The following PKP4 variants were observed in gnomAD, a reference collection of about 807,000 sequenced individuals.
PKP4 encodes plakophilin-4.
A neutral mutation model predicts 145.1 loss-of-function variants in PKP4; 90 were observed. The observed-to-expected ratio is 0.62, with a 90% confidence interval of 0.52 to 0.74. PKP4 has a LOEUF of 0.74. PKP4 is among the 30% of genes least tolerant of loss of function. PKP4 has a pLI of 0.00. For synonymous variants in PKP4, 563 were observed against 577.2 expected (o/e 0.98, Z 0.35); for missense variants, 1,340 against 1,482.7 (o/e 0.90, Z 1.58).
At chr2:158,607,964 T>C (rs999692792) in intron 4 of PKP4, among the ~76,000 whole-genome samples, 1 of 151,992 alleles carries the variant, frequency 6.6e-6, no homozygotes, top group Non-Finnish European at 1.5e-5. Context: ...TACAAAAAAA[T>C]AGAAAAAAAC....
At chr2:158,468,628 A>C (rs1691032331) in intron 1 of PKP4, among the ~76,000 whole-genome samples, 1 of 152,152 alleles carries the variant, frequency 6.6e-6, no homozygotes, top group African/African-American at 2.4e-5. Context: ...TGAGGATGTA[A>C]GATGAAGACA....
intron 2 of PKP4, among the ~76,000 whole-genome samples, chr2:158,574,960 C>A (rs1188229011): frequency 6.6e-6 from 1 of 152,098 alleles, no homozygotes; most frequent in South Asian, 2.1e-4. Context: ...TCTGTGGGTA[C>A]GTCAATCAAA....
intron 20 of PKP4, among the ~76,000 whole-genome samples, chr2:158,678,007 T>G (rs150808659): frequency 3.5e-4 from 53 of 152,302 alleles, no homozygotes; most frequent in African/African-American, 1.2e-3. Context: ...TATGGACTTT[T>G]GAAGACAATT....
rs188162763 is a variant in PKP4 at position 158,536,342 on chromosome 2, G to A, written c.132+3026G>A. On this transcript the variant is annotated intron_variant, in intron 2 of 21. Transcript: ENST00000389759. The stretch of plus-strand genomic sequence containing the variant: ...AGTTTTATGAACATGCTAATTTATT[G>A]CAACCCCAAACATAATGTCAAGGCA... 2.6e-3 allele frequency among the ~76,000 whole-genome samples: 400 copies of A among 152,218 alleles called. 2 individuals are homozygous for A. The highest frequency in any genetic ancestry group is 4.6e-3 in the Non-Finnish European group (314 of 68,010).
In PKP4 at chr2:158,614,361, T is replaced by C. The variant is rs547303358; in HGVS notation, c.281-6629T>C. Among the ~76,000 whole-genome samples the C allele has an allele frequency of 1.1e-4, 16 of 152,280 alleles. No homozygotes were observed. The South Asian group carries it at 3.1e-3, about 30-fold the overall frequency. On this transcript the variant is annotated intron_variant, in intron 4 of 21. Transcript: ENST00000389759. ...GCAAAAATGGTGTGCTGGAGTGACA[T>C]GGTAAAGCCAGCAAAATTTTGACCA...
intron 1 of PKP4, among the ~76,000 whole-genome samples, chr2:158,504,026 G>A (rs186105817): frequency 5.3e-5 from 7 of 132,520 alleles, no homozygotes; most frequent in South Asian, 2.5e-4. Context: ...CATAGAAAAC[G>A]TTTGCCATAG....
intron 3 of PKP4, among the ~76,000 whole-genome samples, chr2:158,592,527 A>C (rs1342211118): frequency 6.6e-6 from 1 of 152,082 alleles, no homozygotes; most frequent in Non-Finnish European, 1.5e-5. Context: ...TTCAAAAAGC[A>C]AGGCAGAAAT....
chr2:158,562,786 A>G (rs2046652079), intron 2 of PKP4, among the ~76,000 whole-genome samples: 2 of 152,368 alleles, frequency 1.3e-5, no homozygotes, highest in Admixed American at 1.3e-4. Flanking sequence ...TATGTGATAC[A>G]TGGTATCGAA....
At chr2:158,510,518 A>C (rs1328316591) in intron 1 of PKP4, among the ~76,000 whole-genome samples, 1 of 152,220 alleles carries the variant, frequency 6.6e-6, no homozygotes, top group Non-Finnish European at 1.5e-5. Context: ...TGAGTCATCG[A>C]AAAAAGGCAA....
chr2:158,630,540 T>G (rs1273325292), intron 7 of PKP4, among the ~76,000 whole-genome samples: 4 of 152,216 alleles, frequency 2.6e-5, no homozygotes, highest in Admixed American at 6.5e-5. Context: ...GCACAAAACT[T>G]CCAGTGTTTT....
chr2:158,596,870 G>T (rs1430552457), intron 3 of PKP4, among the ~76,000 whole-genome samples: 3 of 152,178 alleles, frequency 2.0e-5, no homozygotes, highest in Admixed American at 6.5e-5. Context: ...TCAAGGTGCA[G>T]TCTAGACTAT....
chr2:158,596,443 C>T (rs1470048990), intron 3 of PKP4, among the ~76,000 whole-genome samples: 2 of 151,808 alleles, frequency 1.3e-5, no homozygotes, highest in African/African-American at 4.8e-5. Context: ...AAGGAAAGGC[C>T]ACAATGTACA....
At chr2:158,492,979 ATGTT>A (rs1380244825) in intron 1 of PKP4, among the ~76,000 whole-genome samples, 2 of 152,028 alleles carry the variant, frequency 1.3e-5, no homozygotes, top group South Asian at 4.1e-4. Context: ...TTTATTTTTA[ATGTT>A]TGTTTTAGTT....
At chr2:158,554,009 A>G (rs1034472152) in intron 2 of PKP4, among the ~76,000 whole-genome samples, 26 of 152,146 alleles carry the variant, frequency 1.7e-4, no homozygotes, top group African/African-American at 5.3e-4. Flanking sequence ...TGGGACAGAC[A>G]TGAATTTATT....
chr2:158,533,433 A>G (rs1488705930), intron 2 of PKP4, 117 bp downstream of exon 2: 2 of 1,246,514 alleles, frequency 1.6e-6, no homozygotes, highest in South Asian at 1.3e-5. Flanking sequence ...TTTTCTAATT[A>G]TAAGGTGTTT....
At chr2:158,489,252 G>T (rs577869994) in intron 1 of PKP4, among the ~76,000 whole-genome samples, 1 of 151,918 alleles carries the variant, frequency 6.6e-6, no homozygotes, top group African/African-American at 2.4e-5. Flanking sequence ...GCATATCTGG[G>T]CTTCTCTTTT....
At chr2:158,650,918 C>G (rs1226861194) in intron 11 of PKP4, among the ~76,000 whole-genome samples, 1 of 152,166 alleles carries the variant, frequency 6.6e-6, no homozygotes, top group African/African-American at 2.4e-5. Context: ...AAGGAGAAAG[C>G]CTCAAGCCAC....
chr2:158,538,157 G>A (rs1015811815), intron 2 of PKP4, among the ~76,000 whole-genome samples: 2 of 152,154 alleles, frequency 1.3e-5, no homozygotes, highest in African/African-American at 2.4e-5. Context: ...TAAGACATTC[G>A]CTGCTTATCC....
chr2:158,549,229 A>C (rs919928643), intron 2 of PKP4: 4 of 172,188 alleles, frequency 2.3e-5, no homozygotes, highest in Non-Finnish European at 3.9e-5. Flanking sequence ...GGTTAAATGT[A>C]CACGGTTGAG....
Sources: allele counts gnomAD v4.1 joint callset (sites outside exome capture counted in the v4.1 genomes callset), GRCh38; gene constraint gnomAD v4.1.1; transcripts MANE v1.5; gene names NCBI Gene and HGNC (gene_info 2026-07-23, HGNC 2026-07-21).